Variants in ODAD2 observed in about 807,000 individuals in gnomAD.
ODAD2 encodes the protein outer dynein arm-docking complex subunit 2.
ODAD2 carries 89 observed loss-of-function variants against 106.8 expected under a neutral mutation model. The observed-to-expected ratio is 0.83, with a 90% confidence interval of 0.70 to 0.99. The LOEUF is 0.99. ODAD2 is among the 50% of genes least tolerant of loss of function. The pLI is 0.00. For missense variants in ODAD2, 1,168 were observed against 1,238.5 expected (o/e 0.94, Z 0.85); for synonymous variants, 404 against 436.2 (o/e 0.93, Z 0.92).
intron 17 of ODAD2, among the ~76,000 whole-genome samples, chr10:27,872,770 G>T (rs1036277046): frequency 1.3e-5 from 2 of 152,164 alleles, no homozygotes; most frequent in African/African-American, 4.8e-5. Context: ...GTATTTTATT[G>T]AAGATTTTTG....
chr10:27,866,909 C>T (rs911853654), intron 17 of ODAD2, among the ~76,000 whole-genome samples: 5 of 152,010 alleles, frequency 3.3e-5, no homozygotes, highest in African/African-American at 9.7e-5. Flanking sequence ...GGAAAATATC[C>T]GAACTATCTC....
chr10:27,882,134 C>T (rs1172576380), intron 17 of ODAD2, among the ~76,000 whole-genome samples: 2 of 144,994 alleles, frequency 1.4e-5, no homozygotes, highest in Admixed American at 7.2e-5. Context: ...CCCCATAGCA[C>T]TCCAGCCTGG....
At chr10:27,885,941 T>C (rs1000385574) in intron 17 of ODAD2, among the ~76,000 whole-genome samples, 10 of 130,382 alleles carry the variant, frequency 7.7e-5, no homozygotes, top group African/African-American at 3.1e-4. Flanking sequence ...CCAAACAAAT[T>C]CTGGAACTGA....
At chr10:27,939,092 G>C (rs1846202611) in intron 14 of ODAD2, among the ~76,000 whole-genome samples, 1 of 151,980 alleles carries the variant, frequency 6.6e-6, no homozygotes, top group Admixed American at 6.6e-5. Flanking sequence ...TACACAAAAA[G>C]TTAGTGTAGA....
At chr10:27,831,848 C>T (rs1223195114) in intron 19 of ODAD2, among the ~76,000 whole-genome samples, 2 of 152,218 alleles carry the variant, frequency 1.3e-5, no homozygotes, top group Non-Finnish European at 2.9e-5. Context: ...TCTGCAAACC[C>T]TCCCTGTGGG....
intron 10 of ODAD2, among the ~76,000 whole-genome samples, chr10:27,951,520 T>C (rs544240084): frequency 6.6e-6 from 1 of 152,182 alleles, no homozygotes; most frequent in East Asian, 1.9e-4. Context: ...AGGCCAATAA[T>C]CTGTGTTGAT....
intron 3 of ODAD2, 55 bp downstream of exon 3, chr10:27,987,331 T>G: frequency 6.5e-7 from 1 of 1,543,668 alleles, no homozygotes. Flanking sequence ...TTCCCCACTT[T>G]CCCAGCAAGA....
At chr10:27,979,833 T>A (rs1186589615) in intron 7 of ODAD2, among the ~76,000 whole-genome samples, 1 of 152,120 alleles carries the variant, frequency 6.6e-6, no homozygotes, top group African/African-American at 2.4e-5. Context: ...CAAAACCCAA[T>A]GGCATTTTTT....
chr10:27,829,358 T>C (rs754237369), intron 19 of ODAD2, among the ~76,000 whole-genome samples: 4 of 152,180 alleles, frequency 2.6e-5, no homozygotes, highest in South Asian at 2.1e-4. Flanking sequence ...ATTCTTTTGG[T>C]CCAGTAATTG....
intron 1 of ODAD2, among the ~76,000 whole-genome samples, chr10:27,995,454 CAGAT>C (rs1247486738): frequency 6.6e-6 from 1 of 151,976 alleles, no homozygotes; most frequent in African/African-American, 2.4e-5. Flanking sequence ...AGGATTCAAA[CAGAT>C]AGGCATAAAA....
At chr10:27,947,064 T>C (rs1235304704) in intron 10 of ODAD2, among the ~76,000 whole-genome samples, 1 of 152,202 alleles carries the variant, frequency 6.6e-6, no homozygotes, top group Admixed American at 6.5e-5. Context: ...TTTTACTATT[T>C]ACTAATAAGT....
At chr10:27,962,908 C>T (rs1321699248) in intron 9 of ODAD2, among the ~76,000 whole-genome samples, 1 of 152,092 alleles carries the variant, frequency 6.6e-6, no homozygotes, top group Non-Finnish European at 1.5e-5. Context: ...CCCACATATT[C>T]CTCATCTCAC....
intron 4 of ODAD2, 98 bp from the exon 5 acceptor site, chr10:27,984,388 T>G (rs1849748036): frequency 3.6e-6 from 3 of 832,758 alleles, no homozygotes; most frequent in Non-Finnish European, 5.7e-6. Flanking sequence ...ATCTTTTTTG[T>G]AATTAAAATT....
At chr10:27,817,100 A>G (rs1008093559) in intron 19 of ODAD2, among the ~76,000 whole-genome samples, 2 of 152,112 alleles carry the variant, frequency 1.3e-5, no homozygotes, top group Non-Finnish European at 2.9e-5. Flanking sequence ...ATGCATACAC[A>G]CTTTTATATT....
At position 27,842,563 on chromosome 10, in the gene ODAD2, T is replaced by C. The variant is rs546395987; in HGVS notation, c.3021+18062A>G. The stretch of plus-strand genomic sequence containing the variant: ...ATCAATCTTCTACCATTTGAAAGAT[T>C]AATTTATTAAACAGAAAATTCAAAA... On this transcript the variant is annotated intron_variant, in intron 19 of 19. Transcript: ENST00000305242. 5.8e-4 allele frequency among the ~76,000 whole-genome samples: 89 copies of C among 152,358 alleles called. 1 individual carries two copies. Among genetic ancestry groups the C allele is most frequent in the African/African-American group, 2.1e-3 (88 of 41,596 alleles).
chr10:27,993,978 G>A (rs867196543), intron 2 of ODAD2, among the ~76,000 whole-genome samples: 1,446 of 122,852 alleles, frequency 0.012, 36 homozygotes, highest in African/African-American at 0.043. Flanking sequence ...ATATATATGT[G>A]TGTGTGTGTG....
In ODAD2 at chr10:27,971,258, G is replaced by C. The variant is rs746690244; in HGVS notation, c.992C>G (p.Pro331Arg). The change falls in exon 8 of 20, where the codon CCC (proline) becomes CGC (arginine). Residue 331 changes from proline (P) to arginine (R), a missense_variant. Coordinates refer to ENST00000305242, the MANE Select transcript of ODAD2 (RefSeq NM_018076.5). ...GAGGGCAGCTGCTTCTTCCTTCTTG[G>C]GGGCTTTGCCAAGCTGATCCTTTTC... is the stretch of plus-strand genomic sequence containing the variant. The part of the protein sequence containing the change: ...QKEKDQLGKA[P>R]KKEEAAALRK... 15 of 1,613,260 alleles carry C rather than the reference G, an allele frequency of 9.3e-6. No individual in the cohort carries two copies. Among genetic ancestry groups the C allele is most frequent in the African/African-American group, 8.0e-5 (6 of 74,842 alleles).
intron 17 of ODAD2, among the ~76,000 whole-genome samples, chr10:27,895,101 G>C (rs554954522): frequency 6.0e-5 from 9 of 150,106 alleles, no homozygotes; most frequent in African/African-American, 2.0e-4. Flanking sequence ...AAAATTACAG[G>C]TGATTTTTTT....
At chr10:27,817,370 C>T (rs139418327) in intron 19 of ODAD2, among the ~76,000 whole-genome samples, 350 of 152,186 alleles carry the variant, frequency 2.3e-3, no homozygotes, top group African/African-American at 7.9e-3. Context: ...GGATATATTT[C>T]GAGGGTACAA....
Sources: gnomAD v4.1 joint callset for allele counts (sites outside exome capture counted in the v4.1 genomes callset) on GRCh38, gnomAD v4.1.1 for gene constraint, MANE v1.5 for transcripts, NCBI Gene and HGNC (gene_info 2026-07-23, HGNC 2026-07-21) for gene names.